Variants in PTPRD observed in about 807,000 individuals in gnomAD.
PTPRD encodes protein tyrosine phosphatase receptor type D, also known as receptor-type tyrosine-protein phosphatase delta.
Under a neutral mutation model 214.5 loss-of-function variants are expected in PTPRD, and 34 were observed. That is an observed-to-expected ratio of 0.16 (90% CI 0.12 to 0.21). The LOEUF (loss-of-function observed/expected upper bound fraction) is 0.21, where lower values mean the gene tolerates loss of function less well. PTPRD is among the 10% of genes least tolerant of loss of function. PTPRD has a pLI of 1.00. For synonymous variants in PTPRD, 1,128 were observed against 845.7 expected, an observed-to-expected ratio of 1.33 and a Z score of -5.79; for missense variants, 2,545 against 2,398.7, an observed-to-expected ratio of 1.06 and a Z score of -1.27.
chr9:10,224,067 A>G (rs2099580674), intron 3 of PTPRD, among the ~76,000 whole-genome samples: 1 of 151,976 alleles, frequency 6.6e-6, no homozygotes, highest in Non-Finnish European at 1.5e-5. Context: ...ACAAATCTTC[A>G]TATAATATTA....
chr9:9,739,331 GA>G (rs1196244072), intron 6 of PTPRD, among the ~76,000 whole-genome samples: 3 of 152,128 alleles, frequency 2.0e-5, no homozygotes, highest in African/African-American at 7.2e-5. Flanking sequence ...ATCATAATAA[GA>G]AAGCACACTT....
At chr9:9,172,715 C>G (rs2099922219) in intron 10 of PTPRD, among the ~76,000 whole-genome samples, 1 of 152,080 alleles carries the variant, frequency 6.6e-6, no homozygotes, top group Non-Finnish European at 1.5e-5. Context: ...TACCTCCCAT[C>G]TGGTTGATTT....
intron 7 of PTPRD, among the ~76,000 whole-genome samples, chr9:9,679,902 A>C (rs1254718324): frequency 1.3e-5 from 2 of 151,938 alleles, no homozygotes; most frequent in African/African-American, 4.8e-5. Context: ...TTGGAGTAAA[A>C]TAGTGTGCTT....
Position 8,527,343 on chromosome 9 carries a change from A to C in PTPRD, c.550+2T>G. ...AAGTGCGCTTCAGAACTAAGCACTTACCAATAGATTCTGGAGATTTAAATA... is the reference window on the plus strand; with the variant it reads ...AAGTGCGCTTCAGAACTAAGCACTTCCCAATAGATTCTGGAGATTTAAATA... On this transcript the variant is annotated splice_donor_variant, in intron 16 of 45. Transcript: ENST00000381196. LOFTEE classifies it high-confidence loss of function. 6.2e-7 allele frequency: 1 copy of C among 1,607,438 alleles called. No individual in the cohort carries two copies. The highest frequency in any genetic ancestry group is 8.5e-7 in the Non-Finnish European group (1 of 1,176,786).
At chr9:9,210,373 G>T (rs574366960) in intron 9 of PTPRD, among the ~76,000 whole-genome samples, 1 of 152,030 alleles carries the variant, frequency 6.6e-6, no homozygotes, top group Non-Finnish European at 1.5e-5. Context: ...TTCCACATTT[G>T]GTTTCAAAAT....
At chr9:9,320,839 A>G (rs997052073) in intron 9 of PTPRD, among the ~76,000 whole-genome samples, 1 of 152,184 alleles carries the variant, frequency 6.6e-6, no homozygotes, top group Admixed American at 6.5e-5. Flanking sequence ...TTTCTCTTCA[A>G]CTACTCATAT....
chr9:8,357,917 C>G (rs1433180868), intron 39 of PTPRD, among the ~76,000 whole-genome samples: 1 of 152,176 alleles, frequency 6.6e-6, no homozygotes, highest in African/African-American at 2.4e-5. Flanking sequence ...GGTCAATAGC[C>G]TACTCCCAGT....
intron 2 of PTPRD, among the ~76,000 whole-genome samples, chr9:10,532,861 C>A (rs2056772833): frequency 6.6e-6 from 1 of 151,786 alleles, no homozygotes; most frequent in Non-Finnish European, 1.5e-5. Context: ...AGTTTTATGG[C>A]TCCTCATGTA....
At chr9:8,676,583 T>A (rs1596662622) in intron 12 of PTPRD, among the ~76,000 whole-genome samples, 1 of 151,828 alleles carries the variant, frequency 6.6e-6, no homozygotes, top group South Asian at 2.1e-4. Flanking sequence ...GTTTTGATTG[T>A]TTGTTTTTTG....
chr9:8,504,495 T>G, intron 22 of PTPRD, 90 bp from the exon 23 acceptor site: 1 of 1,427,706 alleles, frequency 7.0e-7, no homozygotes, highest in Non-Finnish European at 9.7e-7. Flanking sequence ...ATTTCTATCA[T>G]CAGGATTATA....
At chr9:9,151,225 G>A (rs1028301583) in intron 10 of PTPRD, among the ~76,000 whole-genome samples, 3 of 152,138 alleles carry the variant, frequency 2.0e-5, no homozygotes, top group South Asian at 4.1e-4. Context: ...GGAGTCTGAG[G>A]TTTTTGTTTG....
intron 5 of PTPRD, among the ~76,000 whole-genome samples, chr9:9,791,765 G>C (rs1010122693): frequency 2.6e-5 from 4 of 152,168 alleles, no homozygotes; most frequent in African/African-American, 9.6e-5. Flanking sequence ...ATTGGAAATA[G>C]TATACTATTT....
At chr9:8,412,924 C>A (rs898155252) in intron 35 of PTPRD, among the ~76,000 whole-genome samples, 1 of 152,090 alleles carries the variant, frequency 6.6e-6, no homozygotes, top group Non-Finnish European at 1.5e-5. Context: ...TCAGAAAACT[C>A]AGTACATAAG....
intron 5 of PTPRD, among the ~76,000 whole-genome samples, chr9:9,846,322 T>C (rs1314029982): frequency 6.6e-6 from 1 of 152,078 alleles, no homozygotes; most frequent in African/African-American, 2.4e-5. Flanking sequence ...AATGCTATGC[T>C]CAGTTTTCAC....
At chr9:9,881,248 T>C in intron 5 of PTPRD, among the ~76,000 whole-genome samples, 1 of 152,200 alleles carries the variant, frequency 6.6e-6, no homozygotes, top group East Asian at 1.9e-4. Context: ...TTTGGGACAT[T>C]CAATCATCTT....
chr9:10,450,660 G>T (rs2130820429), intron 2 of PTPRD, among the ~76,000 whole-genome samples: 1 of 151,998 alleles, frequency 6.6e-6, no homozygotes, highest in Admixed American at 6.5e-5. Context: ...CTGTCTTGTT[G>T]TTTGGCAAAT....
chr9:10,132,746 C>A (rs1200792125), intron 3 of PTPRD, among the ~76,000 whole-genome samples: 1 of 152,172 alleles, frequency 6.6e-6, no homozygotes, highest in Non-Finnish European at 1.5e-5. Context: ...GGTCATGCTT[C>A]TGCTCCTTCT....
intron 30 of PTPRD, among the ~76,000 whole-genome samples, chr9:8,473,966 A>T (rs1441137415): frequency 2.0e-5 from 3 of 152,280 alleles, no homozygotes; most frequent in Admixed American, 6.5e-5. Context: ...ACACATTTCA[A>T]CTGTGCTCTC....
intron 9 of PTPRD, among the ~76,000 whole-genome samples, chr9:9,255,163 G>GAAAACA (rs2099977191): frequency 1.3e-5 from 2 of 152,036 alleles, no homozygotes; most frequent in African/African-American, 4.8e-5. Flanking sequence ...AACATCTGTA[G>GAAAACA]TTCATTGCCA....
Sources: allele counts gnomAD v4.1 joint callset (sites outside exome capture counted in the v4.1 genomes callset), GRCh38; gene constraint gnomAD v4.1.1; transcripts MANE v1.5; gene names NCBI Gene and HGNC (gene_info 2026-07-23, HGNC 2026-07-21).